WDR87: variants seen among roughly 807,000 people sequenced by gnomAD.
The protein encoded by WDR87 is WD repeat-containing protein 87.
A neutral mutation model predicts 83.3 loss-of-function variants in WDR87; 56 were observed. The ratio of observed to expected loss-of-function variants is 0.67; its 90% CI spans 0.54 to 0.84. The LOEUF (loss-of-function observed/expected upper bound fraction) is 0.84, where lower values mean the gene tolerates loss of function less well. Ranked by LOEUF, WDR87 falls within the 40% of genes least tolerant of loss-of-function variation. The pLI is 0.00. For synonymous variants in WDR87, 1,173 were observed against 1,250.6 expected, an observed-to-expected ratio of 0.94 and a Z score of 1.31; for missense variants, 2,939 against 3,431.9, an observed-to-expected ratio of 0.86 and a Z score of 3.59.
At position 37,893,930 on chromosome 19, in the gene WDR87, C is replaced by G; in HGVS notation, c.1773G>C (p.Gly591=). 6.4e-7 allele frequency: 1 copy of G among 1,551,854 alleles called. No homozygotes were observed. The change falls in exon 4 of 6, where the codon GGG becomes GGC. Residue 591 remains glycine, a synonymous_variant. Coordinates refer to ENST00000447313, the MANE Select transcript of WDR87 (RefSeq NM_001291088.2). ...CTATGAATTTCAAGCCATTCTGTGA[C>G]CCAGAGGACAGAAAATCATGGAACT... ...LWKFHDFLSS[G]SQNGLKFIET...
chr19:37,888,237 C>G lies in WDR87; in HGVS notation c.5434G>C (p.Glu1812Gln). 1 of 1,552,120 alleles carries G rather than the reference C, an allele frequency of 6.4e-7. No homozygotes were observed. Among genetic ancestry groups the G allele is most frequent in the East Asian group, 2.4e-5 (1 of 40,910 alleles). ...LSEEETKLAQ[E>Q]EELLIQEKEK... ...TTTTCCTGGATCAGCAACTCTTCTTCCTGGGCCAGTTTTGTCTCTTCTTCA... is the reference window on the plus strand; with the variant it reads ...TTTTCCTGGATCAGCAACTCTTCTTGCTGGGCCAGTTTTGTCTCTTCTTCA... Residue 1812 changes from glutamate to glutamine, a missense_variant, in exon 6 of 6, where the codon GAA (glutamate) becomes CAA (glutamine). By Grantham distance (29) the Glu-to-Gln change is conservative. Coordinates refer to ENST00000447313, the MANE Select transcript of WDR87 (RefSeq NM_001291088.2).
At chr19:37,897,925 C>A (rs2046268975) in intron 2 of WDR87, among the ~76,000 whole-genome samples, 1 of 152,024 alleles carries the variant, frequency 6.6e-6, no homozygotes, top group African/African-American at 2.4e-5. Context: ...AACTCTCTTT[C>A]CAGAAGGTCA....
chr19:37,886,852 T>C lies in WDR87; in HGVS notation c.6819A>G (p.Leu2273=), dbSNP rs765712106. The part of the protein sequence containing the change: ...EHFSEEMESL[L]DELEKQESLS... The stretch of plus-strand genomic sequence containing the variant: ...AACTCTCTTGCTTTTCTAGTTCATC[T>C]AACAGGCTTTCCATTTCTTCAGAAA... The change falls in exon 6 of 6, where the codon TTA becomes TTG. Residue 2273 remains leucine (L), a synonymous_variant. Transcript: ENST00000447313. The C allele has an allele frequency of 1.3e-6, 2 of 1,551,396 alleles. No homozygotes were observed. Among genetic ancestry groups the C allele is most frequent in the Non-Finnish European group, 1.7e-6 (2 of 1,146,948 alleles).
At position 37,888,402 on chromosome 19, in the gene WDR87, A is replaced by G. The variant is rs757253306; in HGVS notation, c.5269T>C (p.Leu1757=). 1.5e-4 allele frequency: 226 copies of G among 1,550,846 alleles called. No individual in the cohort carries two copies. Among genetic ancestry groups the G allele is most frequent in the African/African-American group, 2.6e-4 (19 of 72,670 alleles). ...DWQEKELAQE[L]EELEWDMEEL... Reference sequence around the variant, plus strand: ...TCCATGTCCCATTCCAGTTCCTCCAATTCCTGGGCCAGCTCCTTTTCTTGC... The same window carrying G: ...TCCATGTCCCATTCCAGTTCCTCCAGTTCCTGGGCCAGCTCCTTTTCTTGC... The change falls in exon 6 of 6, where the codon TTG becomes CTG. Residue 1757 remains leucine (L), a synonymous_variant. Transcript: ENST00000447313.
chr19:37,884,941 G>A lies in WDR87; in HGVS notation c.8730C>T (p.Pro2910=), dbSNP rs1339326533. ...LTKALTHTVA[P]TL ...TCCAGTCAGTCCCAAATTAGAGAGT[G>A]GGAGCAACGGTGTGTGTCAGTGCCT... The change falls in exon 6 of 6, where the codon CCC becomes CCT. Residue 2910 remains proline, a synonymous_variant. Transcript: ENST00000447313. The A allele has an allele frequency of 7.7e-7, 1 of 1,301,584 alleles. No homozygotes were observed. Among genetic ancestry groups the A allele is most frequent in the Non-Finnish European group, 9.8e-7 (1 of 1,018,270 alleles). 80.6% of individuals were successfully genotyped at this position (1,301,584 alleles called of 1,614,324 possible). A position where few individuals can be genotyped will look rare whatever the true frequency, so the allele number is the denominator to read the frequency against.
intron 1 of WDR87, among the ~76,000 whole-genome samples, chr19:37,904,361 CTTTT>C (rs754911976): frequency 7.7e-6 from 1 of 130,502 alleles, no homozygotes; most frequent in Admixed American, 7.6e-5. Flanking sequence ...TGTGTGTGTG[CTTTT>C]TTTTTTTTTT....
chr19:37,900,672 C>T (rs1318396904), intron 1 of WDR87, among the ~76,000 whole-genome samples: 1 of 151,742 alleles, frequency 6.6e-6, no homozygotes, highest in Non-Finnish European at 1.5e-5. Flanking sequence ...TCCACAAATC[C>T]ACTCACAATG....
At position 37,885,988 on chromosome 19, in the gene WDR87, G is replaced by A. The variant is rs1164837090; in HGVS notation, c.7683C>T (p.Leu2561=). 6.4e-7 allele frequency: 1 copy of A among 1,552,008 alleles called. No homozygotes were observed. Among genetic ancestry groups the A allele is most frequent in the Admixed American group, 2.0e-5 (1 of 51,016 alleles). ...PAKEQHADVS[L]SDVEWIRHVL... ...CATGGCGGATCCACTCTACATCTGA[G>A]AGGCTTACGTCTGCATGTTGTTCCT... Residue 2561 remains leucine (L), a synonymous_variant, in exon 6 of 6, where the codon CTC becomes CTT. Coordinates refer to ENST00000447313, the MANE Select transcript of WDR87 (RefSeq NM_001291088.2).
In WDR87 at chr19:37,887,396, G is replaced by T; in HGVS notation, c.6275C>A (p.Ala2092Asp). Reference sequence around the variant, plus strand: ...TTTAATCAACTTCCTTGAAGCCTTGGCTAACTTTCTTTGCCCCTGGACAAA... The same window carrying T: ...TTTAATCAACTTCCTTGAAGCCTTGTCTAACTTTCTTTGCCCCTGGACAAA... ...RIFVQGQRKL[A>D]KASRKLIKKR... The change falls in exon 6 of 6, where the codon GCC becomes GAC. Residue 2092 changes from alanine (A) to aspartate (D), a missense_variant. This residue lies in a region of WDR87 where 2,160 missense variants were observed against 2,533.1 expected (regional missense o/e 0.85). Transcript: ENST00000447313. 1 of 1,551,538 alleles carries T rather than the reference G, an allele frequency of 6.4e-7. No homozygotes were observed.
Position 37,892,599 on chromosome 19 carries a change from T to A in WDR87, c.3104A>T (p.Gln1035Leu), listed in dbSNP as rs1283801428. The change falls in exon 4 of 6, where the codon CAA (glutamine) becomes CTA (leucine). Residue 1035 changes from glutamine (Q) to leucine (L), a missense_variant. Physicochemically the swap from Gln to Leu is moderately radical, Grantham distance 113 (BLOSUM62 -2). This residue lies in a region of WDR87 where 2,160 missense variants were observed against 2,533.1 expected (regional missense o/e 0.85). Transcript: ENST00000447313. ...TTACTGCATCTCCCGAAAAGTCTCT[T>A]GTTTTTGGGTCAGCTGTAAGAGTGA... ...RTSLLQLTQK[Q>L]ETFREMQQQM... 2.8e-5 allele frequency: 42 copies of A among 1,496,950 alleles called. No homozygotes were observed. The highest frequency in any genetic ancestry group is 3.8e-5 in the Non-Finnish European group (42 of 1,117,296). The allele number at this position is 1,496,950 out of a possible 1,614,324, so 92.7% of individuals were successfully genotyped here. A position where few individuals can be genotyped will look rare whatever the true frequency, so the allele number is the denominator to read the frequency against.
rs1207735345 is a variant in WDR87, at chr19:37,886,460, C to G, written c.7211G>C (p.Arg2404Thr). The G allele has an allele frequency of 1.3e-6, 2 of 1,526,380 alleles. No homozygotes were observed. Among genetic ancestry groups the G allele is most frequent in the Non-Finnish European group, 1.8e-6 (2 of 1,140,490 alleles). The allele number at this position is 1,526,380 out of a possible 1,614,324, so 94.6% of individuals were successfully genotyped here. A position where few individuals can be genotyped will look rare whatever the true frequency, so the allele number is the denominator to read the frequency against. The change falls in exon 6 of 6, where the codon AGA becomes ACA. Residue 2404 changes from arginine (R) to threonine (T), a missense_variant. Transcript: ENST00000447313. The part of the protein sequence containing the change: ...QRRKSLRGRE[R>T]VLSILRGVPH... ...AACTCCTCTTAAAATGGAAAGGACT[C>G]TTTCCCTTCCTCTTAGGCTCTTTCT...
chr19:37,890,334 T>TAA, intron 5 of WDR87, 58 bp from the exon 6 acceptor site: 1 of 1,455,194 alleles, frequency 6.9e-7, no homozygotes, highest in Non-Finnish European at 9.1e-7. Context: ...CATGAAACCC[T>TAA]TCCCAATATT....
Position 37,893,935 on chromosome 19 carries a change from A to C in WDR87, c.1768T>G (p.Ser590Ala). 1 of 1,551,894 alleles carries C rather than the reference A, an allele frequency of 6.4e-7. No homozygotes were observed. Among genetic ancestry groups the C allele is most frequent in the Non-Finnish European group, 8.7e-7 (1 of 1,147,030 alleles). ...AATTTCAAGCCATTCTGTGACCCAG[A>C]GGACAGAAAATCATGGAACTTCCAG... ...RLWKFHDFLS[S>A]GSQNGLKFIE... Residue 590 changes from serine (S) to alanine (A), a missense_variant, in exon 4 of 6, where the codon TCT becomes GCT. This residue lies in a region of WDR87 where 553 missense variants were observed against 577.9 expected (regional missense o/e 0.96). Coordinates refer to ENST00000447313, the MANE Select transcript of WDR87 (RefSeq NM_001291088.2).
At chr19:37,902,823 T>C (rs1277169470) in intron 1 of WDR87, among the ~76,000 whole-genome samples, 1 of 152,156 alleles carries the variant, frequency 6.6e-6, no homozygotes, top group African/African-American at 2.4e-5. Flanking sequence ...GGGCTCCCTT[T>C]GGCTCACTTG....
In WDR87 at chr19:37,890,048, A is replaced by G; in HGVS notation, c.3623T>C (p.Leu1208Pro). ...DISKDHIALT[L>P]KRLQKIRDKR... ...GTCACGTATTTTCTGCAGCCTCTTC[A>G]GGGTCAATGCAATGTGATCCTTCGA... The change falls in exon 6 of 6, where the codon CTG (leucine) becomes CCG (proline). Residue 1208 changes from leucine to proline, a missense_variant. Coordinates refer to ENST00000447313, the MANE Select transcript of WDR87 (RefSeq NM_001291088.2). 6.4e-7 allele frequency: 1 copy of G among 1,551,676 alleles called. No homozygotes were observed. Among genetic ancestry groups the G allele is most frequent in the Non-Finnish European group, 8.7e-7 (1 of 1,147,010 alleles).
At position 37,893,008 on chromosome 19, in the gene WDR87, C is replaced by G; in HGVS notation, c.2695G>C (p.Val899Leu). 1.3e-6 allele frequency: 2 copies of G among 1,551,854 alleles called. No individual in the cohort carries two copies. The highest frequency in any genetic ancestry group is 1.7e-6 in the Non-Finnish European group (2 of 1,147,028). ...CTTCGGTTTGCTCCATCTGTAAGGACACTGTAGGTTACATCCTTGGAAAGT... is the reference window on the plus strand; with the variant it reads ...CTTCGGTTTGCTCCATCTGTAAGGAGACTGTAGGTTACATCCTTGGAAAGT... ...MRLSKDVTYS[V>L]LTDGANRSWL... The change falls in exon 4 of 6, where the codon GTC (valine) becomes CTC (leucine). Residue 899 changes from valine to leucine, a missense_variant. This residue lies in a region of WDR87 where 2,160 missense variants were observed against 2,533.1 expected (regional missense o/e 0.85). Coordinates refer to ENST00000447313, the MANE Select transcript of WDR87 (RefSeq NM_001291088.2).
rs2046232106 is a variant in WDR87, at chr19:37,894,077, A to C, written c.1626T>G (p.Asp542Glu). ...GAGGCCGCAGTTGTACTTTGACCCC[A>C]TCAAGCACAGCTTCTGACAGGTGCA... ...DYVHLSEAVL[D>E]GVKVQLRPLA... Residue 542 changes from aspartate to glutamate, a missense_variant, in exon 4 of 6, where the codon GAT becomes GAG. Physicochemically the swap from Asp to Glu is conservative, Grantham distance 45. Coordinates refer to ENST00000447313, the MANE Select transcript of WDR87 (RefSeq NM_001291088.2). 1 of 1,552,268 alleles carries C rather than the reference A, an allele frequency of 6.4e-7. No homozygotes were observed. Among genetic ancestry groups the C allele is most frequent in the Non-Finnish European group, 8.7e-7 (1 of 1,147,132 alleles).
chr19:37,892,859 A>G lies in WDR87; in HGVS notation c.2844T>C (p.Phe948=). 2 of 1,551,912 alleles carry G rather than the reference A, an allele frequency of 1.3e-6. No individual in the cohort carries two copies. The highest frequency in any genetic ancestry group is 1.7e-6 in the Non-Finnish European group (2 of 1,147,030). ...GGGCTGGGGACACCTGGTAAGAGGC[A>G]AAGATTTGCCCTAGTGCACCAACAC... ...QCCVGALGQI[F]ASYQVSPALR... is the part of the protein sequence containing the mutation. Residue 948 remains phenylalanine (F), a synonymous_variant, in exon 4 of 6, where the codon TTT becomes TTC. Transcript: ENST00000447313.
rs748216222 is a variant in WDR87, at chr19:37,886,673, T to A, written c.6998A>T (p.Lys2333Met). 6.7e-7 allele frequency: 1 copy of A among 1,489,530 alleles called. No homozygotes were observed. Among genetic ancestry groups the A allele is most frequent in the South Asian group, 1.2e-5 (1 of 80,098 alleles). 92.3% of individuals were successfully genotyped at this position (1,489,530 alleles called of 1,614,324 possible). ...EEEKKKKKKE[K>M]KKEEVQEKEE... ...CTTCTCCTGAACCTCCTCCTTCTTC[T>A]TTTCCTTTTTCTTCTTCTTCTTCTC... Residue 2333 changes from lysine to methionine, a missense_variant, in exon 6 of 6, where the codon AAG becomes ATG. By Grantham distance (95) the Lys-to-Met change is moderately conservative. Transcript: ENST00000447313.
Sources: allele counts gnomAD v4.1 joint callset (sites outside exome capture counted in the v4.1 genomes callset), GRCh38; gene constraint gnomAD v4.1.1; regional missense constraint gnomAD v4.1.1; transcripts MANE v1.5; gene names NCBI Gene and HGNC (gene_info 2026-07-23, HGNC 2026-07-21).